HMGCS1: variants seen among roughly 807,000 people sequenced by gnomAD.
HMGCS1 encodes hydroxymethylglutaryl-CoA synthase, cytoplasmic.
A neutral mutation model predicts 52.3 loss-of-function variants in HMGCS1; 9 were observed. The ratio of observed to expected loss-of-function variants is 0.17; its 90% CI spans 0.10 to 0.30. The LOEUF (loss-of-function observed/expected upper bound fraction) is 0.30. Among genes scored for constraint, HMGCS1 ranks in the 10% least tolerant of loss-of-function variants. The probability of loss-of-function intolerance (pLI) is 1.00; values close to 1 mark genes in which losing one functional copy is unlikely to be tolerated. For synonymous variants in HMGCS1, 176 were observed against 214.4 expected (o/e 0.82, Z 1.57); for missense variants, 320 against 620.9 (o/e 0.52, Z 5.15).
At chr5:43,293,953 G>A in intron 8 of HMGCS1, 103 bp downstream of exon 8, 1 of 724,250 alleles carries the variant, frequency 1.4e-6, no homozygotes, top group East Asian at 2.6e-5. Context: ...GACCTCAGGT[G>A]ATCTGCCCGC....
At chr5:43,296,425 T>C (rs567731780) in intron 5 of HMGCS1, among the ~76,000 whole-genome samples, 1 of 152,326 alleles carries the variant, frequency 6.6e-6, no homozygotes, top group East Asian at 1.9e-4. Flanking sequence ...TATTTGTCAT[T>C]GAATATGATT....
chr5:43,290,458 CTGTTCAGAGGTCATTACAA>C lies in HMGCS1; in HGVS notation c.*654_*672del, dbSNP rs1753693457. The C allele has an allele frequency of 6.6e-6, 1 of 152,206 alleles. No individual in the cohort carries two copies. The highest frequency in any genetic ancestry group is 2.1e-4 in the South Asian group (1 of 4,830). 9.4% of individuals were successfully genotyped at this position (152,206 alleles called of 1,614,324 possible). ...AAGCCTCTTCAATGGCAGTGTTTCT[CTGTTCAGAGGTCATTACAA>C]TAACTTTTGTCACTGCTGGCCTGGA... On this transcript the variant is annotated 3_prime_UTR_variant, in exon 11 of 11. Transcript: ENST00000325110.
chr5:43,305,756 T>C (rs1397613812), intron 2 of HMGCS1, among the ~76,000 whole-genome samples: 1 of 137,034 alleles, frequency 7.3e-6, no homozygotes, highest in African/African-American at 2.8e-5. Context: ...CACTCCAGCC[T>C]GGGTCACAGA....
At chr5:43,294,573 G>T in intron 7 of HMGCS1, 118 bp downstream of exon 7, 1 of 639,082 alleles carries the variant, frequency 1.6e-6, no homozygotes. Flanking sequence ...AGATTAGAGA[G>T]CCTCAAGATA....
rs934347175 is a variant in HMGCS1 at position 43,290,105 on chromosome 5, A to C, written c.*1026T>G. The C allele has an allele frequency of 4.6e-5, 7 of 152,380 alleles. No individual in the cohort carries two copies. Among genetic ancestry groups the C allele is most frequent in the African/African-American group, 1.7e-4 (7 of 41,428 alleles). The allele number at this position is 152,380 out of a possible 1,614,324, so 9.4% of individuals were successfully genotyped here. A position where few individuals can be genotyped will look rare whatever the true frequency, so the allele number is the denominator to read the frequency against. ...TTGAACAGATACCAAAAAAAAAAAA[A>C]AAAGGAAAAGGAAAAGAGCTGTGTT... On this transcript the variant is annotated 3_prime_UTR_variant, in exon 11 of 11. Coordinates refer to ENST00000325110, the MANE Select transcript of HMGCS1 (RefSeq NM_001098272.3).
At chr5:43,293,050 C>T (rs772575731) in intron 8 of HMGCS1, 77 bp from the exon 9 acceptor site, 2 of 1,231,962 alleles carry the variant, frequency 1.6e-6, no homozygotes, top group Non-Finnish European at 1.2e-6. Flanking sequence ...TAAAATGTTG[C>T]CAAATGAGGC....
Position 43,294,133 on chromosome 5 carries a change from C to A in HMGCS1, c.1106G>T (p.Arg369Ile), listed in dbSNP as rs1254300159. ...AGAACCATAAGAAAACACTCCAATT[C>A]TCTTCCCTGCTAATTGCTGAGGTGA... Reference protein sequence around the residue: ...QYSPQQLAGKRIGVFSYGSGL... With the variant: ...QYSPQQLAGKIIGVFSYGSGL... The change falls in exon 8 of 11, where the codon AGA becomes ATA. Residue 369 changes from arginine to isoleucine, a missense_variant. Physicochemically the swap from Arg to Ile is moderately conservative, Grantham distance 97. Transcript: ENST00000325110. The A allele has an allele frequency of 6.2e-7, 1 of 1,613,082 alleles. No individual in the cohort carries two copies. The highest frequency in any genetic ancestry group is 8.5e-7 in the Non-Finnish European group (1 of 1,179,186).
chr5:43,296,877 G>A, intron 5 of HMGCS1, 125 bp downstream of exon 5: 2 of 668,318 alleles, frequency 3.0e-6, no homozygotes, highest in South Asian at 4.9e-5. Flanking sequence ...TTTGGTGAAT[G>A]AGGAATTAAT....
intron 1 of HMGCS1, among the ~76,000 whole-genome samples, chr5:43,312,351 CA>C (rs1378761283): frequency 5.9e-5 from 9 of 152,196 alleles, no homozygotes; most frequent in Non-Finnish European, 1.2e-4. Context: ...GGAGCTGCAG[CA>C]GAGGTGAGCA....
chr5:43,304,066 A>C (rs1408126877), intron 2 of HMGCS1, among the ~76,000 whole-genome samples: 2 of 152,266 alleles, frequency 1.3e-5, no homozygotes, highest in Non-Finnish European at 2.9e-5. Flanking sequence ...GAAAATATAA[A>C]AGGGCTGCCT....
intron 2 of HMGCS1, among the ~76,000 whole-genome samples, chr5:43,304,793 T>C (rs1333254638): frequency 6.6e-6 from 1 of 152,226 alleles, no homozygotes; most frequent in Non-Finnish European, 1.5e-5. Flanking sequence ...TCAATATTAC[T>C]CATTCTCTGA....
chr5:43,312,670 G>A (rs933165654), intron 1 of HMGCS1, among the ~76,000 whole-genome samples: 4 of 152,052 alleles, frequency 2.6e-5, no homozygotes, highest in Admixed American at 1.3e-4. Flanking sequence ...AGAACACCAA[G>A]GAAGCCTATT....
Position 43,291,029 on chromosome 5 carries a change from T to C in HMGCS1, c.*102A>G. 1 of 731,340 alleles carries C rather than the reference T, an allele frequency of 1.4e-6. No individual in the cohort carries two copies. Among genetic ancestry groups the C allele is most frequent in the Non-Finnish European group, 2.5e-6 (1 of 406,944 alleles). 45.3% of individuals were successfully genotyped at this position (731,340 alleles called of 1,614,324 possible). On this transcript the variant is annotated 3_prime_UTR_variant, in exon 11 of 11. Transcript: ENST00000325110. ...GTCACATAAAAATTTACATAACATGTAATCCTTTAAAATTATCCCCAGATA... is the reference window on the plus strand; with the variant it reads ...GTCACATAAAAATTTACATAACATGCAATCCTTTAAAATTATCCCCAGATA...
chr5:43,294,250 G>T, intron 7 of HMGCS1, 88 bp from the exon 8 acceptor site: 1 of 767,366 alleles, frequency 1.3e-6, no homozygotes, highest in South Asian at 1.6e-5. Context: ...TAAAAATTTA[G>T]GCTATAAGTA....
At position 43,291,091 on chromosome 5, in the gene HMGCS1, T is replaced by TCCC; in HGVS notation, c.*39_*40insGGG. The TCCC allele has an allele frequency of 1.8e-6, 1 of 541,864 alleles. No homozygotes were observed. 33.6% of individuals were successfully genotyped at this position (541,864 alleles called of 1,614,324 possible). A position where few individuals can be genotyped will look rare whatever the true frequency, so the allele number is the denominator to read the frequency against. On this transcript the variant is annotated 3_prime_UTR_variant, in exon 11 of 11. Coordinates refer to ENST00000325110, the MANE Select transcript of HMGCS1 (RefSeq NM_001098272.3). Reference sequence around the variant, plus strand: ...CAACTGTTCCCATACCCCCACCCCATGCCCACCCCACCCTGAAGTCTTGCA... The same window carrying TCCC: ...CAACTGTTCCCATACCCCCACCCCATCCCGCCCACCCCACCCTGAAGTCTTGCA...
intron 2 of HMGCS1, among the ~76,000 whole-genome samples, chr5:43,303,417 G>C (rs1486932276): frequency 6.6e-6 from 1 of 152,236 alleles, no homozygotes; most frequent in Non-Finnish European, 1.5e-5. Flanking sequence ...GTGAGGACAC[G>C]GGCAATCCAG....
intron 6 of HMGCS1, 151 bp downstream of exon 6, chr5:43,295,601 G>T: frequency 3.5e-6 from 2 of 576,964 alleles, no homozygotes; most frequent in South Asian, 6.3e-5. Context: ...TCTGGACTTA[G>T]ATTCTTCACT....
At chr5:43,292,402 T>C in intron 10 of HMGCS1, 72 bp downstream of exon 10, 1 of 1,281,436 alleles carries the variant, frequency 7.8e-7, no homozygotes, top group Non-Finnish European at 1.1e-6. Context: ...TTACTGACAT[T>C]TATTTATGTT....
Position 43,292,916 on chromosome 5 carries a change from G to A in HMGCS1, c.1241C>T (p.Ser414Leu). 6.2e-7 allele frequency: 1 copy of A among 1,607,910 alleles called. No individual in the cohort carries two copies. The highest frequency in any genetic ancestry group is 8.5e-7 in the Non-Finnish European group (1 of 1,176,736). Residue 414 changes from serine to leucine, a missense_variant, in exon 9 of 11, where the codon TCA becomes TTA. Physicochemically the swap from Ser to Leu is moderately radical, Grantham distance 145. This residue lies in a region of HMGCS1 where 213 missense variants were observed against 337.4 expected (regional missense o/e 0.63). Coordinates refer to ENST00000325110, the MANE Select transcript of HMGCS1 (RefSeq NM_001098272.3). ...SLCDLKSRLD[S>L]RTGVAPDVFA... Reference sequence around the variant, plus strand: ...GACATCTGGTGCCACACCAGTTCTTGAATCAAGCCTTGATTTAAGATCACA... The same window carrying A: ...GACATCTGGTGCCACACCAGTTCTTAAATCAAGCCTTGATTTAAGATCACA...
Sources: allele counts gnomAD v4.1 joint callset (sites outside exome capture counted in the v4.1 genomes callset), GRCh38; gene constraint gnomAD v4.1.1; regional missense constraint gnomAD v4.1.1; transcripts MANE v1.5; gene names NCBI Gene and HGNC (gene_info 2026-07-23, HGNC 2026-07-21).